HS3ST6: variants seen among roughly 807,000 people sequenced by gnomAD.
The protein encoded by HS3ST6 is heparan sulfate glucosamine 3-O-sulfotransferase 6.
Under a neutral mutation model 11.0 loss-of-function variants are expected in HS3ST6, and 13 were observed. That is an observed-to-expected ratio of 1.18 (90% confidence interval 0.77 to 1.88). HS3ST6 has a LOEUF of 1.88. Ranked by LOEUF, HS3ST6 falls within the 40% of genes most tolerant of loss-of-function variation. The pLI, the probability that HS3ST6 is intolerant of heterozygous loss-of-function variation, is 0.00. For synonymous variants in HS3ST6, 232 were observed against 230.6 expected, an observed-to-expected ratio of 1.01 and a Z score of -0.06; for missense variants, 541 against 494.4, an observed-to-expected ratio of 1.09 and a Z score of -0.89.
At chr16:1,919,049 T>C (rs2082946927), upstream of HS3ST6, among the ~76,000 whole-genome samples, 2 of 152,166 alleles carry the variant, frequency 1.3e-5, no homozygotes, top group Admixed American at 6.5e-5. Flanking sequence ...GTTACTGTTT[T>C]AGAATGGAGG....
chr16:1,918,746 T>G (rs1249749876), upstream of HS3ST6, among the ~76,000 whole-genome samples: 1 of 151,392 alleles, frequency 6.6e-6, no homozygotes, highest in Admixed American at 6.6e-5. This position sits in a 1 kb window ranked among gnomAD's most constrained non-coding sequence, Gnocchi z 6.0. Flanking sequence ...TGAAGACCGA[T>G]CCCCTTCCCC....
At position 1,911,848 on chromosome 16, in the gene HS3ST6, G is replaced by C; in HGVS notation, c.771C>G (p.Ala257=). ...VSGERLVSDP[A]GEVGRVQDFL... Reference sequence around the variant, plus strand: ...AGTCCTGCACGCGGCCGACCTCTCCGGCCGGGTCGCTGACCAGACGCTCCC... The same window carrying C: ...AGTCCTGCACGCGGCCGACCTCTCCCGCCGGGTCGCTGACCAGACGCTCCC... Residue 257 remains alanine (A), a synonymous_variant, in exon 2 of 2, where the codon GCC becomes GCG. Coordinates refer to ENST00000454677, the MANE Select transcript of HS3ST6 (RefSeq NM_001009606.4). The C allele has an allele frequency of 3.1e-6, 5 of 1,611,174 alleles. No individual in the cohort carries two copies. The highest frequency in any genetic ancestry group is 4.2e-6 in the Non-Finnish European group (5 of 1,178,530).
rs768800341 is a variant in HS3ST6 at position 1,911,914 on chromosome 16, C to A, written c.705G>T (p.Trp235Cys). 9 of 1,601,334 alleles carry A rather than the reference C, an allele frequency of 5.6e-6. No homozygotes were observed. The South Asian group carries it at 9.0e-5, about 16-fold the overall frequency. ...AGTGGGACAGGGGGAAGTAGCGCAG[C>A]CAGTGGTCCAGGTGCTGGGCGTACA... is the stretch of plus-strand genomic sequence containing the variant. ...IGLYAQHLDH[W>C]LRYFPLSHFL... The change falls in exon 2 of 2, where the codon TGG becomes TGT. Residue 235 changes from tryptophan to cysteine, a missense_variant. By Grantham distance (215) the Trp-to-Cys change is radical. Coordinates refer to ENST00000454677, the MANE Select transcript of HS3ST6 (RefSeq NM_001009606.4).
chr16:1,917,682 C>A (rs1365764031), intron 1 of HS3ST6, among the ~76,000 whole-genome samples: 4 of 152,206 alleles, frequency 2.6e-5, no homozygotes, highest in Non-Finnish European at 5.9e-5. Context: ...GGAACCGGGG[C>A]TTTCCCCACA....
intron 1 of HS3ST6, among the ~76,000 whole-genome samples, chr16:1,915,302 G>C (rs949610053): frequency 6.6e-6 from 1 of 152,202 alleles, no homozygotes; most frequent in Admixed American, 6.5e-5. Context: ...CTGCACTCCA[G>C]CTGACTCTTG....
In HS3ST6 at chr16:1,911,993, A is replaced by G. The variant is rs1399596389; in HGVS notation, c.626T>C (p.Phe209Ser). Residue 209 changes from phenylalanine to serine, a missense_variant, in exon 2 of 2, where the codon TTC (phenylalanine) becomes TCC (serine). Transcript: ENST00000454677. Reference sequence around the variant, plus strand: ...GTCCACGGGGCCCAGGCCGTGGCGGAAGGCCAGGGCGCGGAAGCTGGGCAG... The same window carrying G: ...GTCCACGGGGCCCAGGCCGTGGCGGGAGGCCAGGGCGCGGAAGCTGGGCAG... The part of the protein sequence containing the change: ...PGLPSFRALA[F>S]RHGLGPVDTA... 11 of 1,538,344 alleles carry G rather than the reference A, an allele frequency of 7.2e-6. No homozygotes were observed. The South Asian group carries it at 7.6e-5, about 11-fold the overall frequency.
At chr16:1,919,333 G>C (rs1279445196), upstream of HS3ST6, among the ~76,000 whole-genome samples, 4 of 152,216 alleles carry the variant, frequency 2.6e-5, no homozygotes, top group South Asian at 2.1e-4. Flanking sequence ...GGGGCCTCTC[G>C]GGTGGGACCT....
upstream of HS3ST6, among the ~76,000 whole-genome samples, chr16:1,920,213 C>T (rs369175109): frequency 0.023 from 808 of 35,706 alleles, 63 homozygotes; most frequent in East Asian, 0.053. Context: ...GTCTCAGGAG[C>T]CCCCACGGTC....
In HS3ST6 at chr16:1,912,944, A is replaced by AC. The variant is rs1402026817; in HGVS notation, c.414-740dup. ...GTAGCTGGGATTACAGGTGCCCGCCACCACACCCAGCTAATTTTTGTATTT... is the reference window on the plus strand; with the variant it reads ...GTAGCTGGGATTACAGGTGCCCGCCACCCACACCCAGCTAATTTTTGTATTT... On this transcript the variant is annotated intron_variant, in intron 1 of 1. Transcript: ENST00000454677. The surrounding 1 kb of genome is among the most constrained non-coding windows in gnomAD (Gnocchi z 5.6). 4.6e-5 allele frequency among the ~76,000 whole-genome samples: 7 copies of AC among 152,090 alleles called. No homozygotes were observed. Among genetic ancestry groups the AC allele is most frequent in the African/African-American group, 1.7e-4 (7 of 41,398 alleles).
Position 1,918,092 on chromosome 16 carries a change from C to T in HS3ST6, c.232G>A (p.Gly78Ser). The T allele has an allele frequency of 6.7e-7, 1 of 1,487,102 alleles. No homozygotes were observed. Among genetic ancestry groups the T allele is most frequent in the South Asian group, 1.3e-5 (1 of 78,542 alleles). The allele number at this position is 1,487,102 out of a possible 1,614,324, so 92.1% of individuals were successfully genotyped here. ...CCGGGACCGCTGGCCAAAGGCAGGC[C>T]GGGTGCTCCCGGGCGGTGGACGGAG... ...SSSVHRPGAPGLPLASGPGRR... is the reference protein window; with the variant it reads ...SSSVHRPGAPSLPLASGPGRR... Residue 78 changes from glycine to serine, a missense_variant, in exon 1 of 2, where the codon GGC (glycine) becomes AGC (serine). Transcript: ENST00000454677. This position sits in a 1 kb window ranked among gnomAD's most constrained non-coding sequence, Gnocchi z 6.0.
At chr16:1,915,320 G>C (rs905475316) in intron 1 of HS3ST6, among the ~76,000 whole-genome samples, 7 of 152,172 alleles carry the variant, frequency 4.6e-5, no homozygotes, top group African/African-American at 1.4e-4. Context: ...TTGTCGCCCA[G>C]GCTGGAGTGC....
In HS3ST6 at chr16:1,918,368, C is replaced by T. The variant is rs1210523192; in HGVS notation, c.-45G>A. 1 of 233,448 alleles carries T rather than the reference C, an allele frequency of 4.3e-6. No homozygotes were observed. The highest frequency in any genetic ancestry group is 6.4e-5 in the Admixed American group (1 of 15,516). 14.5% of individuals were successfully genotyped at this position (233,448 alleles called of 1,614,324 possible). A position where few individuals can be genotyped will look rare whatever the true frequency, so the allele number is the denominator to read the frequency against. On this transcript the variant is annotated 5_prime_UTR_variant, in exon 1 of 2. Transcript: ENST00000454677. The surrounding 1 kb of genome is among the most constrained non-coding windows in gnomAD (Gnocchi z 6.0). ...CCCGGGAGCGGGGGCAGCAGGCGGG[C>T]GCGCATCTCGGCCCGCGCGCCGCTC...
chr16:1,920,305 C>G (rs1597013674), upstream of HS3ST6, among the ~76,000 whole-genome samples: 1 of 146,442 alleles, frequency 6.8e-6, no homozygotes, highest in Non-Finnish European at 1.5e-5. Flanking sequence ...CTCAGCCATC[C>G]CCACGGTCTC....
At chr16:1,914,245 C>A (rs535083351) in intron 1 of HS3ST6, among the ~76,000 whole-genome samples, 3 of 152,282 alleles carry the variant, frequency 2.0e-5, no homozygotes, top group South Asian at 2.1e-4. Context: ...CTGGAACCCG[C>A]GTGGGAGCCG....
At chr16:1,917,839 C>G in intron 1 of HS3ST6, 72 bp downstream of exon 1, 1 of 1,166,882 alleles carries the variant, frequency 8.6e-7, no homozygotes, top group Non-Finnish European at 1.1e-6. Flanking sequence ...GATATCGTGC[C>G]GCTGCTCCCT....
At chr16:1,916,633 C>A (rs1168552649) in intron 1 of HS3ST6, among the ~76,000 whole-genome samples, 1 of 152,134 alleles carries the variant, frequency 6.6e-6, no homozygotes. Context: ...CAGATCCCAC[C>A]CCCAGTCTCT....
At chr16:1,920,037 TCACGGTCTCAGGAGTCCC>T (rs1442061187), upstream of HS3ST6, among the ~76,000 whole-genome samples, 2 of 103,892 alleles carry the variant, frequency 1.9e-5, no homozygotes, top group African/African-American at 7.2e-5. Flanking sequence ...TCAGGAGTCC[TCACGGTCTCAGGAGTCCC>T]CACGGTCTCA....
chr16:1,920,058 CGGTCTCAGCATCCCCAT>C (rs1381273303), upstream of HS3ST6, among the ~76,000 whole-genome samples: 72 of 146,150 alleles, frequency 4.9e-4, 2 homozygotes, highest in African/African-American at 1.8e-3. Context: ...GGAGTCCCCA[CGGTCTCAGCATCCCCAT>C]GGTCTCAGCT....
In HS3ST6 at chr16:1,911,870, T is replaced by C; in HGVS notation, c.749A>G (p.Glu250Gly). ...TCCGGCCGGGTCGCTGACCAGACGC[T>C]CCCCGCTGACGAACAGGAAGTGGGA... Reference protein sequence around the residue: ...PLSHFLFVSGERLVSDPAGEV... With the variant: ...PLSHFLFVSGGRLVSDPAGEV... Residue 250 changes from glutamate to glycine, a missense_variant, in exon 2 of 2, where the codon GAG (glutamate) becomes GGG (glycine). Coordinates refer to ENST00000454677, the MANE Select transcript of HS3ST6 (RefSeq NM_001009606.4). 1.2e-6 allele frequency: 2 copies of C among 1,607,824 alleles called. No individual in the cohort carries two copies. The highest frequency in any genetic ancestry group is 1.7e-4 in the Middle Eastern group (1 of 6,038).
Sources: allele counts gnomAD v4.1 joint callset (sites outside exome capture counted in the v4.1 genomes callset), GRCh38; gene constraint gnomAD v4.1.1; non-coding constraint Gnocchi (gnomAD v3.1); transcripts MANE v1.5; gene names NCBI Gene and HGNC (gene_info 2026-07-23, HGNC 2026-07-21).